The following LINGO1 variants were observed in gnomAD, a reference collection of about 807,000 sequenced individuals.
LINGO1 encodes leucine-rich repeat and immunoglobulin-like domain-containing nogo receptor-interacting protein 1.
In LINGO1, 11 loss-of-function variants were observed where a neutral mutation model predicts 37.3. The ratio of observed to expected loss-of-function variants is 0.29; its 90% CI spans 0.19 to 0.49. The LOEUF is 0.49. Among genes scored for constraint, LINGO1 ranks in the 20% least tolerant of loss-of-function variants. LINGO1 has a pLI of 0.99. For synonymous variants in LINGO1, 387 were observed against 403.0 expected (o/e 0.96, Z 0.48); for missense variants, 585 against 878.2 (o/e 0.67, Z 4.22).
chr15:77,723,933 C>T (rs2076076816), intron 2 of LINGO1, among the ~76,000 whole-genome samples: 1 of 152,130 alleles, frequency 6.6e-6, no homozygotes, highest in South Asian at 2.1e-4. Context: ...TCAGCTCAGG[C>T]GTTGTGATAT....
intron 2 of LINGO1, among the ~76,000 whole-genome samples, chr15:77,688,740 C>T (rs1055875516): frequency 6.6e-6 from 1 of 152,198 alleles, no homozygotes; most frequent in African/African-American, 2.4e-5. Context: ...GCAGCACATG[C>T]TGAAAAACAA....
chr15:77,793,967 T>C lies in LINGO1; in HGVS notation c.-343+1972A>G, dbSNP rs558353754. Among the ~76,000 whole-genome samples the C allele has an allele frequency of 1.0e-3, 154 of 152,342 alleles. No homozygotes were observed. In the Middle Eastern group the frequency reaches 0.031, roughly 30 times the overall value. ...TTCAAGGCTTAGCCCAGGTGTCACC[T>C]GTTCCAACAAGCCCTGCCAGACCCC... is the stretch of plus-strand genomic sequence containing the variant. On this transcript the variant is annotated intron_variant, in intron 2 of 5. Coordinates refer to the LINGO1 transcript ENST00000562933.
intron 1 of LINGO1, chr15:77,695,882 CTTTTTTTT>C (rs35851585): frequency 7.2e-6 from 1 of 138,428 alleles, no homozygotes; most frequent in African/African-American, 2.7e-5. Context: ...AGAAAAATAT[CTTTTTTTT>C]TTTTTTTTTC....
intron 2 of LINGO1, among the ~76,000 whole-genome samples, chr15:77,701,890 T>G (rs968840582): frequency 6.6e-6 from 1 of 152,296 alleles, no homozygotes; most frequent in South Asian, 2.1e-4. Context: ...GCCTCAGGTA[T>G]TCCTTTAGAG....
At chr15:77,711,700 T>A (rs2075919670) in intron 2 of LINGO1, among the ~76,000 whole-genome samples, 1 of 152,192 alleles carries the variant, frequency 6.6e-6, no homozygotes. Context: ...TCTGCTCTAT[T>A]TCACAAATGA....
chr15:77,786,584 T>C (rs901002182), intron 1 of LINGO1, among the ~76,000 whole-genome samples: 2 of 152,202 alleles, frequency 1.3e-5, no homozygotes, highest in Admixed American at 1.3e-4. Flanking sequence ...AAGTAGGCCA[T>C]GCAGAGGAGG....
intron 1 of LINGO1, among the ~76,000 whole-genome samples, chr15:77,805,466 C>T (rs2076952310): frequency 6.6e-6 from 1 of 152,182 alleles, no homozygotes; most frequent in Admixed American, 6.5e-5. Context: ...GGAGGCCTGC[C>T]CAGGTGCCCA....
chr15:77,619,568 C>T (rs528982965), intron 1 of LINGO1, among the ~76,000 whole-genome samples: 105 of 152,150 alleles, frequency 6.9e-4, no homozygotes, highest in Admixed American at 1.3e-3. Context: ...CACCTATAGT[C>T]CCAACTACTC....
intron 3 of LINGO1, among the ~76,000 whole-genome samples, chr15:77,644,898 G>A (rs1032004711): frequency 9.2e-5 from 14 of 152,176 alleles, no homozygotes; most frequent in Non-Finnish European, 2.9e-5. Context: ...AAACAATGTG[G>A]CTCAGGCCAG....
In LINGO1 at chr15:77,630,567, G is replaced by C. The variant is rs2074225398; in HGVS notation, c.6+1743C>G. On this transcript the variant is annotated intron_variant, in intron 1 of 1. Coordinates refer to ENST00000355300, the MANE Select transcript of LINGO1 (RefSeq NM_032808.7). Reference sequence around the variant, plus strand: ...AGATGAAAGAGGACTATCGCAAGGGGTAAGTCTCTCCACCTCCCTCCCAGT... The same window carrying C: ...AGATGAAAGAGGACTATCGCAAGGGCTAAGTCTCTCCACCTCCCTCCCAGT... 2.6e-5 allele frequency among the ~76,000 whole-genome samples: 4 copies of C among 152,140 alleles called. No individual in the cohort carries two copies. In the South Asian group the frequency reaches 8.3e-4, roughly 31 times the overall value.
At chr15:77,764,672 C>T (rs571881552) in intron 1 of LINGO1, among the ~76,000 whole-genome samples, 1 of 152,270 alleles carries the variant, frequency 6.6e-6, no homozygotes, top group South Asian at 2.1e-4. Flanking sequence ...CCAGAGAGTG[C>T]CAAGCATCGC....
intron 1 of LINGO1, chr15:77,819,620 C>T (rs2077081413): frequency 6.6e-6 from 1 of 151,608 alleles, no homozygotes; most frequent in Admixed American, 6.6e-5. Context: ...CTCCGCACTC[C>T]CGACTCGCCC....
In LINGO1 at chr15:77,614,410, C is replaced by T. The variant is rs369817274; in HGVS notation, c.1497G>A (p.Ala499=). Residue 499 remains alanine, a synonymous_variant, in exon 2 of 2, where the codon GCG becomes GCA. Coordinates refer to ENST00000355300, the MANE Select transcript of LINGO1 (RefSeq NM_032808.7). ...VQDNGTYLCI[A]ANAGGNDSMP... ...TGGAGTCGTTGCCGCCCGCGTTGGCCGCGATGCACAGGTACGTGCCGTTGT... is the reference window on the plus strand; with the variant it reads ...TGGAGTCGTTGCCGCCCGCGTTGGCTGCGATGCACAGGTACGTGCCGTTGT... The T allele has an allele frequency of 1.9e-5, 30 of 1,612,802 alleles. No individual in the cohort carries two copies. In the East Asian group the frequency reaches 2.0e-4, roughly 11 times the overall value.
chr15:77,680,408 C>T lies in LINGO1; in HGVS notation c.-98-3234G>A, dbSNP rs981758337. 8.6e-5 allele frequency among the ~76,000 whole-genome samples: 13 copies of T among 150,984 alleles called. 1 individual carries two copies. The highest frequency in any genetic ancestry group is 3.2e-4 in the African/African-American group (13 of 40,290). Reference sequence around the variant, plus strand: ...GCCCCTTTGGGGGCAGGTCACCTTGCTGCATATGTTGTTAGAACACGTTTG... The same window carrying T: ...GCCCCTTTGGGGGCAGGTCACCTTGTTGCATATGTTGTTAGAACACGTTTG... On this transcript the variant is annotated intron_variant, in intron 2 of 3. Coordinates refer to the LINGO1 transcript ENST00000559893.
chr15:77,699,063 C>T (rs1457923274), upstream of LINGO1, among the ~76,000 whole-genome samples: 4 of 152,080 alleles, frequency 2.6e-5, no homozygotes, highest in Admixed American at 1.3e-4. Flanking sequence ...AGCCTGACTG[C>T]CTCCTGAGCT....
rs2076026726 is a variant in LINGO1 at position 77,719,750 on chromosome 15, ACACT to A, written c.-195+15238_-195+15241del. ...CGCACATATATACAATCTCATTCAC[ACACT>A]CACATTCACACACTCACACATACAC... On this transcript the variant is annotated intron_variant, in intron 2 of 3. Coordinates refer to the LINGO1 transcript ENST00000561686. Among the ~76,000 whole-genome samples the A allele has an allele frequency of 2.7e-5, 4 of 146,112 alleles. No homozygotes were observed. The South Asian group carries it at 8.8e-4, about 32-fold the overall frequency.
chr15:77,809,465 A>G (rs2076985706), intron 1 of LINGO1, among the ~76,000 whole-genome samples: 1 of 152,218 alleles, frequency 6.6e-6, no homozygotes, highest in Non-Finnish European at 1.5e-5. Context: ...AGCTGTGCAC[A>G]CAAATGAGGG....
At chr15:77,745,858 T>C (rs2076309364) in intron 1 of LINGO1, among the ~76,000 whole-genome samples, 1 of 152,048 alleles carries the variant, frequency 6.6e-6, no homozygotes, top group Admixed American at 6.6e-5. Flanking sequence ...TGATGGAGGC[T>C]GGGGTGGGGT....
At chr15:77,637,626 T>C (rs1339098991), upstream of LINGO1, among the ~76,000 whole-genome samples, 1 of 152,118 alleles carries the variant, frequency 6.6e-6, no homozygotes, top group Non-Finnish European at 1.5e-5. The surrounding 1 kb of genome is among the most constrained non-coding windows in gnomAD (Gnocchi z 4.6). Flanking sequence ...GCTTGATAAA[T>C]GCAGGTATTT....
Sources: allele counts gnomAD v4.1 joint callset (sites outside exome capture counted in the v4.1 genomes callset), GRCh38; gene constraint gnomAD v4.1.1; non-coding constraint Gnocchi (gnomAD v3.1); transcripts MANE v1.5; gene names NCBI Gene and HGNC (gene_info 2026-07-23, HGNC 2026-07-21).